Variants in ALPL observed in about 807,000 individuals in gnomAD.
ALPL encodes the protein alkaline phosphatase, tissue-nonspecific isozyme.
Under a neutral mutation model 51.3 loss-of-function variants are expected in ALPL, and 42 were observed. That is an observed-to-expected ratio of 0.82 (90% CI 0.64 to 1.06). ALPL has a LOEUF of 1.06. ALPL is among the 50% of genes least tolerant of loss of function. The probability of loss-of-function intolerance (pLI) is 0.00; values close to 1 mark genes in which losing one functional copy is unlikely to be tolerated. For synonymous variants in ALPL, 279 were observed against 296.4 expected (o/e 0.94, Z 0.60); for missense variants, 589 against 709.4 (o/e 0.83, Z 1.93).
chr1:21,526,595 G>A (rs1443721207), intron 1 of ALPL, among the ~76,000 whole-genome samples: 1 of 152,032 alleles, frequency 6.6e-6, no homozygotes, highest in African/African-American at 2.4e-5. Flanking sequence ...AAGTGTAGGG[G>A]TAATGATTTA....
intron 1 of ALPL, among the ~76,000 whole-genome samples, chr1:21,537,402 C>T (rs543496144): frequency 8.7e-4 from 132 of 152,316 alleles, no homozygotes; most frequent in African/African-American, 2.9e-3. Flanking sequence ...GACTGAAGCC[C>T]CTCACTTTGT....
chr1:21,519,361 TTCTC>T (rs1300356766), intron 1 of ALPL, among the ~76,000 whole-genome samples: 1 of 152,218 alleles, frequency 6.6e-6, no homozygotes, highest in Non-Finnish European at 1.5e-5. Context: ...CTCTGCGTCT[TTCTC>T]TCAGCTTACC....
intron 11 of ALPL, 78 bp downstream of exon 11, chr1:21,576,719 G>A (rs1289284395): frequency 6.3e-7 from 1 of 1,590,192 alleles, no homozygotes; most frequent in South Asian, 1.1e-5. Flanking sequence ...GTGTCAGCTT[G>A]TGGTCAAGGT....
intron 8 of ALPL, among the ~76,000 whole-genome samples, chr1:21,572,056 G>A (rs957369717): frequency 7.2e-5 from 11 of 152,238 alleles, no homozygotes; most frequent in African/African-American, 2.2e-4. Context: ...GGAAGCTGAC[G>A]TGGGAGGCTT....
intron 9 of ALPL, among the ~76,000 whole-genome samples, 161 bp from the exon 10 acceptor site, chr1:21,575,572 G>A (rs937931233): frequency 5.9e-5 from 9 of 152,164 alleles, no homozygotes; most frequent in Admixed American, 1.3e-4. Context: ...GAATGGCTGC[G>A]TAAAATGCCT....
chr1:21,563,114 A>G lies in ALPL; in HGVS notation c.302A>G (p.Tyr101Cys), dbSNP rs2148158064. ...KFPFVALSKT[Y>C]NTNAQVPDSA... ...ACCCTCCTCTCCCACCTGCAGACGT[A>G]CAACACCAATGCCCAGGTCCCTGAC... is the stretch of plus-strand genomic sequence containing the variant. The change falls in exon 5 of 12, where the codon TAC becomes TGC. Residue 101 changes from tyrosine to cysteine, a missense_variant. Transcript: ENST00000374840. 6.2e-7 allele frequency: 1 copy of G among 1,613,620 alleles called. No individual in the cohort carries two copies. The highest frequency in any genetic ancestry group is 8.5e-7 in the Non-Finnish European group (1 of 1,180,022).
At chr1:21,516,545 A>C (rs1397351246) in intron 1 of ALPL, among the ~76,000 whole-genome samples, 1 of 152,210 alleles carries the variant, frequency 6.6e-6, no homozygotes, top group African/African-American at 2.4e-5. Flanking sequence ...AGATGAGGAA[A>C]CGGAAACACA....
At chr1:21,557,160 C>G (rs570421484) in intron 2 of ALPL, among the ~76,000 whole-genome samples, 1 of 152,148 alleles carries the variant, frequency 6.6e-6, no homozygotes, top group Admixed American at 6.6e-5. Context: ...GAGCCTTCCT[C>G]GGCTCAGTCC....
intron 1 of ALPL, among the ~76,000 whole-genome samples, chr1:21,547,847 G>T (rs576953089): frequency 6.6e-6 from 1 of 152,338 alleles, no homozygotes; most frequent in Non-Finnish European, 1.5e-5. Context: ...GTAGTGACAC[G>T]TTTGTCCCAT....
At chr1:21,553,888 T>C (rs1039495468) in intron 1 of ALPL, 90 bp from the exon 2 acceptor site, 1 of 632,640 alleles carries the variant, frequency 1.6e-6, no homozygotes. Context: ...CGAATACTTG[T>C]TGAATGAATC....
At chr1:21,549,466 T>C (rs1186606895) in intron 1 of ALPL, among the ~76,000 whole-genome samples, 1 of 150,396 alleles carries the variant, frequency 6.6e-6, no homozygotes, top group Admixed American at 6.7e-5. Flanking sequence ...TGAATGCTTT[T>C]TTCTTTTTCT....
intron 1 of ALPL, among the ~76,000 whole-genome samples, chr1:21,521,824 A>G (rs1643886051): frequency 6.6e-6 from 1 of 152,196 alleles, no homozygotes; most frequent in Non-Finnish European, 1.5e-5. Context: ...AATCCCAAAC[A>G]GCCTTAATTT....
chr1:21,525,191 C>A (rs555270011), intron 1 of ALPL, among the ~76,000 whole-genome samples: 3 of 152,344 alleles, frequency 2.0e-5, no homozygotes, highest in Admixed American at 2.0e-4. Flanking sequence ...CTTGGGCGGC[C>A]ACATGATTTG....
At chr1:21,520,376 C>CGAGGTGGGA (rs1217652693) in intron 1 of ALPL, among the ~76,000 whole-genome samples, 1 of 152,078 alleles carries the variant, frequency 6.6e-6, no homozygotes, top group Non-Finnish European at 1.5e-5. Flanking sequence ...GCAATCCTCC[C>CGAGGTGGGA]ACCTCAGCTT....
intron 8 of ALPL, 74 bp from the exon 9 acceptor site, chr1:21,573,591 C>T (rs182911097): frequency 6.3e-7 from 1 of 1,584,356 alleles, no homozygotes; most frequent in Non-Finnish European, 8.6e-7. Flanking sequence ...CCCTGAGACA[C>T]CCCAGCTTCC....
At chr1:21,522,548 A>G (rs1643894620) in intron 1 of ALPL, among the ~76,000 whole-genome samples, 1 of 152,098 alleles carries the variant, frequency 6.6e-6, no homozygotes, top group Admixed American at 6.6e-5. Context: ...GTTCCAAATA[A>G]CATAATATGG....
intron 7 of ALPL, 144 bp downstream of exon 7, chr1:21,568,391 T>C (rs781157501): frequency 6.5e-6 from 7 of 1,085,254 alleles, no homozygotes; most frequent in East Asian, 5.2e-5. Flanking sequence ...CTAAGAGATA[T>C]ACAAGCAGTA....
At chr1:21,567,382 C>G (rs1045927835) in intron 6 of ALPL, among the ~76,000 whole-genome samples, 1 of 145,458 alleles carries the variant, frequency 6.9e-6, no homozygotes, top group African/African-American at 2.6e-5. Context: ...TCCGTCTGCC[C>G]GCACACACCA....
Position 21,554,016 on chromosome 1 carries a change from A to ACCCCC in ALPL, c.-65_-61dup. On this transcript the variant is annotated 5_prime_UTR_variant, in exon 2 of 12. Transcript: ENST00000374840. Reference sequence around the variant, plus strand: ...GTTAACATCTGACCACTGCCAGCCCACCCCCTCCCACCCACGTCGATTGCA... The same window carrying ACCCCC: ...GTTAACATCTGACCACTGCCAGCCCACCCCCCCCCCTCCCACCCACGTCGATTGCA... 3.2e-6 allele frequency: 2 copies of ACCCCC among 615,566 alleles called. No homozygotes were observed. The highest frequency in any genetic ancestry group is 2.0e-5 in the African/African-American group (1 of 50,970). The allele number at this position is 615,566 out of a possible 1,614,324, so 38.1% of individuals were successfully genotyped here.
Sources: gnomAD v4.1 joint callset for allele counts (sites outside exome capture counted in the v4.1 genomes callset) on GRCh38, gnomAD v4.1.1 for gene constraint, MANE v1.5 for transcripts, NCBI Gene and HGNC (gene_info 2026-07-23, HGNC 2026-07-21) for gene names.